The following POTEF variants were observed in gnomAD, a reference collection of about 807,000 sequenced individuals.
The protein encoded by POTEF is ANKRD26-like family C member 1B.
POTEF carries 20 observed loss-of-function variants against 83.2 expected under a neutral mutation model. The ratio of observed to expected loss-of-function variants is 0.24; its 90% confidence interval spans 0.17 to 0.35. POTEF has a LOEUF of 0.35. POTEF is among the 10% of genes least tolerant of loss of function. POTEF has a pLI of 1.00. For synonymous variants in POTEF, 196 were observed against 446.4 expected (o/e 0.44, Z 7.07); for missense variants, 550 against 1,203.2 (o/e 0.46, Z 8.03).
chr2:130,101,466 T>C (rs1684371920), intron 9 of POTEF, among the ~76,000 whole-genome samples: 1 of 148,290 alleles, frequency 6.7e-6, no homozygotes, highest in Non-Finnish European at 1.5e-5. Flanking sequence ...TTCTGCAAGA[T>C]ATGATTCTTG....
At chr2:130,077,283 A>G (rs1478815925) in intron 15 of POTEF, 82 bp from the exon 16 acceptor site, 1 of 574,840 alleles carries the variant, frequency 1.7e-6, no homozygotes, top group Non-Finnish European at 3.2e-6. Flanking sequence ...ATCAGATGTC[A>G]TTCACACAAT....
chr2:130,094,955 A>G (rs540830868), intron 11 of POTEF, among the ~76,000 whole-genome samples: 368 of 151,662 alleles, frequency 2.4e-3, no homozygotes, highest in African/African-American at 8.5e-3. Context: ...AGCTTATTAC[A>G]AAGAGCCAAA....
At chr2:130,128,395 C>T (rs1260501112) in intron 1 of POTEF, among the ~76,000 whole-genome samples, 3 of 151,864 alleles carry the variant, frequency 2.0e-5, no homozygotes, top group Admixed American at 1.3e-4. Flanking sequence ...GAGACCATGG[C>T]TGTTGCTGTC....
chr2:130,114,436 G>C (rs1056154833), intron 5 of POTEF, among the ~76,000 whole-genome samples: 42 of 144,570 alleles, frequency 2.9e-4, no homozygotes, highest in African/African-American at 1.1e-3. Context: ...AGCCTTGCCA[G>C]TGAGAGGCGC....
At chr2:130,125,634 G>T (rs1287140168) in intron 2 of POTEF, among the ~76,000 whole-genome samples, 2 of 152,016 alleles carry the variant, frequency 1.3e-5, no homozygotes, top group African/African-American at 4.8e-5. Context: ...CCTTGTTTTT[G>T]GTTGTGAATC....
intron 3 of POTEF, among the ~76,000 whole-genome samples, chr2:130,118,338 T>C (rs1684897553): frequency 2.0e-5 from 3 of 151,986 alleles, no homozygotes; most frequent in Non-Finnish European, 1.5e-5. Context: ...CCTATGTGCA[T>C]AGGTCACTGG....
Position 130,075,131 on chromosome 2 carries a change from C to T in POTEF, c.2341G>A (p.Asp781Asn), listed in dbSNP as rs765450779. 1.9e-6 allele frequency: 3 copies of T among 1,613,632 alleles called. No individual in the cohort carries two copies. The Admixed American group carries it at 5.0e-5, about 27-fold the overall frequency. The part of the protein sequence containing the change: ...MEHGIITNWD[D>N]MEKIWHHTFY... ...GTGTGGTGCCAGATCTTCTCCATGT[C>T]ATCCCAGTTGGTGATGATGCCGTGT... is the stretch of plus-strand genomic sequence containing the variant. Residue 781 changes from aspartate (D) to asparagine (N), a missense_variant, in exon 17 of 17, where the codon GAC (aspartate) becomes AAC (asparagine). By Grantham distance (23) the Asp-to-Asn change is conservative. Coordinates refer to ENST00000409914, the MANE Select transcript of POTEF (RefSeq NM_001099771.2).
At chr2:130,126,347 G>A (rs1329909945) in intron 2 of POTEF, among the ~76,000 whole-genome samples, 8 of 151,678 alleles carry the variant, frequency 5.3e-5, no homozygotes, top group Non-Finnish European at 1.0e-4. Context: ...AGGAAATGGT[G>A]GCAGAGAAAA....
chr2:130,095,041 T>C (rs1684211738), intron 11 of POTEF, among the ~76,000 whole-genome samples: 2 of 96,178 alleles, frequency 2.1e-5, no homozygotes, highest in African/African-American at 3.6e-5. Context: ...TTTTTTTTTT[T>C]TTTTGAGATG....
chr2:130,103,784 G>C (rs1165870141), intron 8 of POTEF, among the ~76,000 whole-genome samples: 1 of 143,226 alleles, frequency 7.0e-6, no homozygotes, highest in Admixed American at 7.1e-5. Context: ...GGCAGGAAAG[G>C]GTGACGGCAT....
rs1684372090 is a variant in POTEF, at chr2:130,101,475, T to C, written c.1197+635A>G. Reference sequence around the variant, plus strand: ...GTTCCATTCTGCAAGATATGATTCTTGTAATAGGCAGCTGTGTTGCTTTTA... The same window carrying C: ...GTTCCATTCTGCAAGATATGATTCTCGTAATAGGCAGCTGTGTTGCTTTTA... On this transcript the variant is annotated intron_variant, in intron 9 of 16. Coordinates refer to ENST00000409914, the MANE Select transcript of POTEF (RefSeq NM_001099771.2). Among the ~76,000 whole-genome samples the C allele has an allele frequency of 1.3e-5, 2 of 148,506 alleles. 1 individual carries two copies. Among genetic ancestry groups the C allele is most frequent in the African/African-American group, 5.1e-5 (2 of 38,882 alleles).
intron 3 of POTEF, among the ~76,000 whole-genome samples, chr2:130,117,193 C>A (rs571091935): frequency 6.6e-5 from 10 of 151,664 alleles, no homozygotes; most frequent in Non-Finnish European, 1.0e-4. Context: ...ACATGTTAAT[C>A]TATATCTAAT....
At chr2:130,107,921 T>G (rs1434083154) in intron 8 of POTEF, 88 bp downstream of exon 8, 7 of 1,378,992 alleles carry the variant, frequency 5.1e-6, no homozygotes, top group African/African-American at 1.5e-5. Context: ...CCCCAGCCCA[T>G]GGAAAAATTG....
chr2:130,126,092 T>C (rs28493786), intron 2 of POTEF, among the ~76,000 whole-genome samples: 30 of 149,454 alleles, frequency 2.0e-4, no homozygotes, highest in African/African-American at 7.2e-4. Flanking sequence ...TCACTTGAAG[T>C]CGGGAGTTCA....
chr2:130,104,877 C>T (rs1215147533), intron 8 of POTEF, among the ~76,000 whole-genome samples: 1 of 151,298 alleles, frequency 6.6e-6, no homozygotes. Flanking sequence ...GAGAGTCAAA[C>T]TAGTAGGATG....
At chr2:130,128,398 T>C (rs1573621212) in intron 1 of POTEF, among the ~76,000 whole-genome samples, 1 of 151,804 alleles carries the variant, frequency 6.6e-6, no homozygotes, top group Non-Finnish European at 1.5e-5. Context: ...ACCATGGCTG[T>C]TGCTGTCCCC....
At chr2:130,083,453 G>T (rs1307301754) in intron 15 of POTEF, among the ~76,000 whole-genome samples, 7 of 146,640 alleles carry the variant, frequency 4.8e-5, no homozygotes, top group Admixed American at 1.3e-4. Flanking sequence ...GGACTAGAAA[G>T]GCAGGAGGAA....
rs201926426 is a variant in POTEF, at chr2:130,075,163, G to C, written c.2309C>G (p.Pro770Arg). Residue 770 changes from proline (P) to arginine (R), a missense_variant, in exon 17 of 17, where the codon CCC becomes CGC. Transcript: ENST00000409914. ...GTTGGTGATGATGCCGTGTTCCATG[G>C]GGTACTTCAGGGTCAGGATGCCTCT... is the stretch of plus-strand genomic sequence containing the variant. ...SKRGILTLKY[P>R]MEHGIITNWD... 8.0e-5 allele frequency: 129 copies of C among 1,613,250 alleles called. 3 individuals carry two copies. In the African/African-American group the frequency reaches 1.5e-3, roughly 18 times the overall value.
rs755975114 is a variant in POTEF at position 130,075,289 on chromosome 2, C to T, written c.2183G>A (p.Arg728Gln). Residue 728 changes from arginine to glutamine, a missense_variant, in exon 17 of 17, where the codon CGG becomes CAG. Transcript: ENST00000409914. ...KAGFAGDDAP[R>Q]AVFPSIVGRP... ...CCCCACGATGGAAGGGAAGACAGCC[C>T]GGGGGGCATCGTCGCCCGCAAAGCC... 26 of 1,612,492 alleles carry T rather than the reference C, an allele frequency of 1.6e-5. No homozygotes were observed. The highest frequency in any genetic ancestry group is 8.8e-5 in the South Asian group (8 of 91,016).
Sources: allele counts gnomAD v4.1 joint callset (sites outside exome capture counted in the v4.1 genomes callset), GRCh38; gene constraint gnomAD v4.1.1; transcripts MANE v1.5; gene names NCBI Gene and HGNC (gene_info 2026-07-23, HGNC 2026-07-21).